DGKQ: variants seen among roughly 807,000 people sequenced by gnomAD.
DGKQ encodes diacylglycerol kinase theta, also known as DAG kinase theta.
Under a neutral mutation model 104.2 loss-of-function variants are expected in DGKQ, and 97 were observed. The observed-to-expected ratio is 0.93, with a 90% CI of 0.79 to 1.10. The LOEUF (loss-of-function observed/expected upper bound fraction) is 1.10. Ranked by LOEUF, DGKQ falls within the 50% of genes least tolerant of loss-of-function variation. DGKQ has a pLI of 0.00. For synonymous variants in DGKQ, 736 were observed against 595.2 expected, an observed-to-expected ratio of 1.24 and a Z score of -3.44; for missense variants, 1,465 against 1,352.1, an observed-to-expected ratio of 1.08 and a Z score of -1.31.
Position 961,585 on chromosome 4 carries a change from CATAAGAGA to C in DGKQ, c.2463-15_2463-8del. The C allele has an allele frequency of 6.2e-7, 1 of 1,609,712 alleles. No individual in the cohort carries two copies. The highest frequency in any genetic ancestry group is 8.5e-7 in the Non-Finnish European group (1 of 1,178,752). On this transcript the variant is annotated splice_region_variant and splice_polypyrimidine_tract_variant and intron_variant, in intron 20 of 22. Transcript: ENST00000273814. The stretch of plus-strand genomic sequence containing the variant: ...GTCGGCCCCCGAGCCCCAGCTGCCG[CATAAGAGA>C]GCGGGCACAGAGGTGTAGGTGCAGG...
chr4:967,192 G>A lies in DGKQ; in HGVS notation c.1157C>T (p.Ala386Val). ...CCGCGGCAGAGCCCGGATGACCCAG[G>A]CCTCTGGCGTGGCCTCGCCGGACCC... ...SPGSGEATPEAWVIRALPRAQ... is the reference protein window; with the variant it reads ...SPGSGEATPEVWVIRALPRAQ... The change falls in exon 9 of 23, where the codon GCC becomes GTC. Residue 386 changes from alanine to valine, a missense_variant. By Grantham distance (64) the Ala-to-Val change is moderately conservative. Transcript: ENST00000273814. 2.5e-6 allele frequency: 4 copies of A among 1,597,684 alleles called. No homozygotes were observed. Among genetic ancestry groups the A allele is most frequent in the South Asian group, 1.1e-5 (1 of 88,232 alleles).
At chr4:963,048 G>A (rs575246704) in intron 16 of DGKQ, 91 bp downstream of exon 16, 47 of 1,491,588 alleles carry the variant, frequency 3.2e-5, no homozygotes, top group Non-Finnish European at 4.2e-5. Flanking sequence ...GATCCCCGTG[G>A]AGCTCCTGCC....
At chr4:965,771 T>G (rs1347621106) in intron 13 of DGKQ, among the ~76,000 whole-genome samples, 157 bp downstream of exon 13, 1 of 152,122 alleles carries the variant, frequency 6.6e-6, no homozygotes, top group East Asian at 1.9e-4. Flanking sequence ...GGCGAGAGGC[T>G]CCAGAGCCTC....
At chr4:962,997 C>CCCGTCCTCCT (rs1712005646) in intron 16 of DGKQ, 77 bp from the exon 17 acceptor site, 1 of 1,529,206 alleles carries the variant, frequency 6.5e-7, no homozygotes, top group South Asian at 1.2e-5. Context: ...CTTCCAAGTG[C>CCCGTCCTCCT]CCGTCCTGGC....
At position 967,136 on chromosome 4, in the gene DGKQ, A is replaced by G; in HGVS notation, c.1213T>C (p.Trp405Arg). The change falls in exon 9 of 23, where the codon TGG (tryptophan) becomes CGG (arginine). Residue 405 changes from tryptophan (W) to arginine (R), a missense_variant. Coordinates refer to ENST00000273814, the MANE Select transcript of DGKQ (RefSeq NM_001347.4). ...AQEVLKIYPG[W>R]LKVGVAYVSV... ...CCTCGGGCCCAGTCTCACTTGAGCCAGCCAGGGTAGATCTTCAGGACCTCC... is the reference window on the plus strand; with the variant it reads ...CCTCGGGCCCAGTCTCACTTGAGCCGGCCAGGGTAGATCTTCAGGACCTCC... 6.3e-7 allele frequency: 1 copy of G among 1,591,170 alleles called. No individual in the cohort carries two copies. The highest frequency in any genetic ancestry group is 2.3e-5 in the East Asian group (1 of 43,964).
At position 961,996 on chromosome 4, in the gene DGKQ, G is replaced by C. The variant is rs1711922971; in HGVS notation, c.2301C>G (p.Gly767=). Residue 767 remains glycine, a synonymous_variant, in exon 19 of 23, where the codon GGC becomes GGG. Transcript: ENST00000273814. ...GGCTCCGGTACCTGCTTGTGAACTTGCCAGGCTCCTCTTCCCGTGCCTGGT... is the reference window on the plus strand; with the variant it reads ...GGCTCCGGTACCTGCTTGTGAACTTCCCAGGCTCCTCTTCCCGTGCCTGGT... ...DFHQAREEEP[G]KFTSRLHNKG... 1 of 1,613,056 alleles carries C rather than the reference G, an allele frequency of 6.2e-7. No homozygotes were observed. The highest frequency in any genetic ancestry group is 1.7e-4 in the Middle Eastern group (1 of 6,060).
intron 2 of DGKQ, among the ~76,000 whole-genome samples, chr4:970,627 T>C (rs1712851597): frequency 6.6e-6 from 1 of 152,154 alleles, no homozygotes; most frequent in African/African-American, 2.4e-5. Context: ...TCTTGCAAAC[T>C]GAGGTCACGC....
Position 967,171 on chromosome 4 carries a change from G to T in DGKQ, c.1178C>A (p.Pro393Gln), listed in dbSNP as rs370662507. The T allele has an allele frequency of 2.1e-5, 34 of 1,598,534 alleles. No homozygotes were observed. Among genetic ancestry groups the T allele is most frequent in the Non-Finnish European group, 2.8e-5 (33 of 1,173,388 alleles). Reference protein sequence around the residue: ...TPEAWVIRALPRAQEVLKIYP... With the variant: ...TPEAWVIRALQRAQEVLKIYP... ...GATCTTCAGGACCTCCTGGGCCCGC[G>T]GCAGAGCCCGGATGACCCAGGCCTC... The change falls in exon 9 of 23, where the codon CCG (proline) becomes CAG (glutamine). Residue 393 changes from proline to glutamine, a missense_variant. Physicochemically the swap from Pro to Gln is moderately conservative, Grantham distance 76. Transcript: ENST00000273814.
intron 16 of DGKQ, 42 bp from the exon 17 acceptor site, chr4:962,962 A>G (rs1222225183): frequency 1.3e-6 from 2 of 1,575,098 alleles, no homozygotes; most frequent in African/African-American, 2.7e-5. Context: ...CTGCGGGCGC[A>G]GCCCATCCCC....
rs1711943056 is a variant in DGKQ at position 962,315 on chromosome 4, G to A, written c.2214+120C>T. On this transcript the variant is annotated intron_variant, in intron 18 of 22. Coordinates refer to ENST00000273814, the MANE Select transcript of DGKQ (RefSeq NM_001347.4). ...GTCTCCCTCAACTGCCCGCTTTGCA[G>A]AGGGGATGATGCGGGCGCGTACACC... 49 of 1,090,008 alleles carry A rather than the reference G, an allele frequency of 4.5e-5. 3 individuals carry two copies. In the South Asian group the frequency reaches 6.4e-4, roughly 14 times the overall value. 67.5% of individuals were successfully genotyped at this position (1,090,008 alleles called of 1,614,324 possible). A position where few individuals can be genotyped will look rare whatever the true frequency, so the allele number is the denominator to read the frequency against.
chr4:968,352 TCGCAGCGCGCTCC>T lies in DGKQ; in HGVS notation c.580_592del (p.Gly194ArgfsTer103). 2.2e-6 allele frequency: 3 copies of T among 1,382,770 alleles called. No homozygotes were observed. The highest frequency in any genetic ancestry group is 2.9e-6 in the Non-Finnish European group (3 of 1,051,960). 85.7% of individuals were successfully genotyped at this position (1,382,770 alleles called of 1,614,324 possible). On this transcript the variant is annotated frameshift_variant, in exon 5 of 23. Coordinates refer to ENST00000273814, the MANE Select transcript of DGKQ (RefSeq NM_001347.4). LOFTEE classifies it high-confidence loss of function. ...GGAGCCGCACGTCTTCCTGCAGACC[TCGCAGCGCGCTCC>T]CGAGGGCAGGTTCCCCTCCCGCCAG...
intron 18 of DGKQ, 59 bp downstream of exon 18, chr4:962,376 C>G: frequency 6.8e-7 from 1 of 1,468,318 alleles, no homozygotes. Flanking sequence ...CGTTGTGACG[C>G]GTGTAGCGGG....
chr4:973,383 G>T lies in DGKQ; in HGVS notation c.100C>A (p.Arg34Ser). Residue 34 changes from arginine to serine, a missense_variant, in exon 1 of 23, where the codon CGC (arginine) becomes AGC (serine). Transcript: ENST00000273814. Reference protein sequence around the residue: ...ACSPVLGSGGRARPGPGPGPG... With the variant: ...ACSPVLGSGGSARPGPGPGPG... ...CCCGGCCCCGGCCCCGGGCGCGCGC[G>T]GCCTCCTGAGCCCAGCACGGGGCTG... The T allele has an allele frequency of 1.8e-6, 2 of 1,110,784 alleles. No homozygotes were observed. The highest frequency in any genetic ancestry group is 2.2e-6 in the Non-Finnish European group (2 of 914,626). The allele number at this position is 1,110,784 out of a possible 1,614,324, so 68.8% of individuals were successfully genotyped here.
rs996201476 is a variant in DGKQ, at chr4:966,863, G to A, written c.1312-61C>T. The stretch of plus-strand genomic sequence containing the variant: ...GCCCCCACCACCTCAGGACACCCGC[G>A]GGGACAGCCACGCCTGGGCTGGGAT... On this transcript the variant is annotated intron_variant, in intron 10 of 22. Coordinates refer to ENST00000273814, the MANE Select transcript of DGKQ (RefSeq NM_001347.4). 6.4e-5 allele frequency: 100 copies of A among 1,570,996 alleles called. 2 individuals carry two copies. In the East Asian group the frequency reaches 8.7e-4, roughly 14 times the overall value.
intron 18 of DGKQ, 70 bp downstream of exon 18, chr4:962,365 C>A (rs888975431): frequency 2.1e-6 from 3 of 1,434,594 alleles, no homozygotes; most frequent in African/African-American, 2.8e-5. Context: ...AAGAGGACGC[C>A]CGTTGTGACG....
chr4:965,338 C>T (rs1396240416), intron 14 of DGKQ, 47 bp from the exon 15 acceptor site: 1 of 1,585,198 alleles, frequency 6.3e-7, no homozygotes, highest in South Asian at 1.1e-5. Flanking sequence ...CCATGGCCCC[C>T]ACGGTGCCAG....
rs1243054728 is a variant in DGKQ at position 963,317 on chromosome 4, T to A, written c.1735-27A>T. 17 of 1,582,012 alleles carry A rather than the reference T, an allele frequency of 1.1e-5. No individual in the cohort carries two copies. The highest frequency in any genetic ancestry group is 1.4e-5 in the Non-Finnish European group (16 of 1,157,384). On this transcript the variant is annotated intron_variant, in intron 15 of 22. Coordinates refer to ENST00000273814, the MANE Select transcript of DGKQ (RefSeq NM_001347.4). ...TGACAGACAGGGGGCTGGGTTAGGA[T>A]GGGGACCCAAGGTGGGGTGTCCCCA...
chr4:966,223 C>A, intron 12 of DGKQ, 145 bp from the exon 13 acceptor site: 1 of 971,078 alleles, frequency 1.0e-6, no homozygotes, highest in Admixed American at 2.4e-5. Flanking sequence ...GGAAAGGGGC[C>A]ACAGAGGCTT....
chr4:963,070 CTG>C, intron 16 of DGKQ, 67 bp downstream of exon 16: 1 of 1,518,216 alleles, frequency 6.6e-7, no homozygotes, highest in South Asian at 1.3e-5. Context: ...GCCGAGACAG[CTG>C]TGGCAGCCTC....
Sources: gnomAD v4.1 joint callset for allele counts (sites outside exome capture counted in the v4.1 genomes callset) on GRCh38, gnomAD v4.1.1 for gene constraint, MANE v1.5 for transcripts, NCBI Gene and HGNC (gene_info 2026-07-23, HGNC 2026-07-21) for gene names.